The following CEP20 variants were observed in gnomAD, a reference collection of about 807,000 sequenced individuals.
CEP20 encodes FGFR1OP N-terminal like.
CEP20 carries 18 observed loss-of-function variants against 20.0 expected under a neutral mutation model. The observed-to-expected ratio is 0.90, with a 90% confidence interval of 0.62 to 1.34. The LOEUF is 1.34. Among genes scored for constraint, CEP20 ranks in the 40% most tolerant of loss-of-function variants. The pLI is 0.00. For synonymous variants in CEP20, 77 were observed against 73.7 expected (o/e 1.04, Z -0.23); for missense variants, 215 against 201.6 (o/e 1.07, Z -0.40).
chr16:15,873,007 T>G (rs1227871922), intron 4 of CEP20, among the ~76,000 whole-genome samples: 1 of 152,036 alleles, frequency 6.6e-6, no homozygotes, highest in Non-Finnish European at 1.5e-5. Context: ...AGCTATTTAT[T>G]CAGTATACCA....
chr16:15,870,274 T>C (rs2044782234), intron 4 of CEP20, among the ~76,000 whole-genome samples: 2 of 152,206 alleles, frequency 1.3e-5, no homozygotes, highest in Admixed American at 1.3e-4. Context: ...ATGGGACTGA[T>C]AGTATCAATG....
At chr16:15,868,698 C>A (rs909785112) in intron 4 of CEP20, among the ~76,000 whole-genome samples, 22 of 152,122 alleles carry the variant, frequency 1.4e-4, no homozygotes, top group Admixed American at 1.2e-3. Context: ...GCCAATACTA[C>A]TTTAAGGGTC....
intron 4 of CEP20, 23 bp downstream of exon 4, chr16:15,873,468 G>T: frequency 1.3e-6 from 2 of 1,597,146 alleles, no homozygotes; most frequent in Non-Finnish European, 1.7e-6. Flanking sequence ...ACAGCTAAAT[G>T]ATGAATCTTG....
intron 4 of CEP20, among the ~76,000 whole-genome samples, chr16:15,870,972 G>C (rs893921561): frequency 1.3e-5 from 2 of 152,114 alleles, no homozygotes; most frequent in Non-Finnish European, 2.9e-5. Flanking sequence ...TCCCGAAGGG[G>C]CTGGGCATGG....
intron 3 of CEP20, among the ~76,000 whole-genome samples, chr16:15,877,737 G>C (rs1221512297): frequency 6.6e-6 from 1 of 151,984 alleles, no homozygotes; most frequent in Non-Finnish European, 1.5e-5. Flanking sequence ...TGATCAAGCC[G>C]CTGCACTCTA....
chr16:15,882,731 ATATCTATCTATCTATCTATC>A (rs68035220), intron 2 of CEP20, among the ~76,000 whole-genome samples: 118 of 145,662 alleles, frequency 8.1e-4, no homozygotes, highest in African/African-American at 2.7e-3. Flanking sequence ...TATCTCCATT[ATATCTATCTATCTATCTATC>A]TATCTATCTA....
At chr16:15,872,071 T>G (rs1213297478) in intron 4 of CEP20, among the ~76,000 whole-genome samples, 1 of 152,142 alleles carries the variant, frequency 6.6e-6, no homozygotes, top group Non-Finnish European at 1.5e-5. Flanking sequence ...TCCCAGCACT[T>G]TGGGAGGCCA....
intron 2 of CEP20, among the ~76,000 whole-genome samples, chr16:15,881,528 T>C (rs932219544): frequency 7.2e-5 from 11 of 152,170 alleles, no homozygotes; most frequent in Non-Finnish European, 1.3e-4. Context: ...CATTCTCTCT[T>C]GCAAAATCTA....
At chr16:15,875,636 A>G (rs1436532048) in intron 3 of CEP20, among the ~76,000 whole-genome samples, 2 of 152,212 alleles carry the variant, frequency 1.3e-5, no homozygotes, top group Non-Finnish European at 2.9e-5. Flanking sequence ...ATAAGTTTCA[A>G]AAAGATAAAG....
rs896935717 is a variant in CEP20 at position 15,881,786 on chromosome 16, A to G, written c.227-1898T>C. ...ATTAAAAATATTCTCACCACTCAATAACTGTTACACTTGAAGAGCAAATTT... is the reference window on the plus strand; with the variant it reads ...ATTAAAAATATTCTCACCACTCAATGACTGTTACACTTGAAGAGCAAATTT... On this transcript the variant is annotated intron_variant, in intron 2 of 4. Transcript: ENST00000255759. Among the ~76,000 whole-genome samples, 6 of 152,254 alleles carry G rather than the reference A, an allele frequency of 3.9e-5. No individual in the cohort carries two copies. In the East Asian group the frequency reaches 1.2e-3, roughly 29 times the overall value.
chr16:15,876,908 G>A (rs1356643358), intron 3 of CEP20, among the ~76,000 whole-genome samples: 10 of 148,032 alleles, frequency 6.8e-5, no homozygotes. Context: ...GCTGAGTGCA[G>A]TGGCACGATC....
intron 2 of CEP20, among the ~76,000 whole-genome samples, chr16:15,882,766 T>TACACACA (rs1445128148): frequency 0.011 from 1,157 of 105,674 alleles, 22 homozygotes; most frequent in African/African-American, 0.04. Flanking sequence ...TATCTATCTA[T>TACACACA]CTATCTATCT....
intron 4 of CEP20, among the ~76,000 whole-genome samples, chr16:15,869,663 G>A (rs1453281218): frequency 6.6e-6 from 1 of 152,032 alleles, no homozygotes; most frequent in Non-Finnish European, 1.5e-5. Context: ...TGATATTTCT[G>A]TTGAATGAGC....
rs149748141 is a variant in CEP20, at chr16:15,886,378, G to A, written c.29-2173C>T. ...TAAGTACAGTTATCACCAGATCAGAGTTTGTAACAGGTCCATAAAAGGAAG... is the reference window on the plus strand; with the variant it reads ...TAAGTACAGTTATCACCAGATCAGAATTTGTAACAGGTCCATAAAAGGAAG... On this transcript the variant is annotated intron_variant, in intron 1 of 4. Transcript: ENST00000255759. 4.6e-5 allele frequency among the ~76,000 whole-genome samples: 7 copies of A among 152,260 alleles called. No homozygotes were observed. In the East Asian group the frequency reaches 1.4e-3, roughly 29 times the overall value.
intron 1 of CEP20, chr16:15,885,903 T>C (rs2045234056): frequency 6.6e-6 from 1 of 152,206 alleles, no homozygotes; most frequent in Non-Finnish European, 1.5e-5. Flanking sequence ...ACATACTTAG[T>C]ATAGATAATG....
chr16:15,870,159 G>T (rs1428928592), intron 4 of CEP20, among the ~76,000 whole-genome samples: 1 of 152,152 alleles, frequency 6.6e-6, no homozygotes, highest in South Asian at 2.1e-4. Flanking sequence ...TTAGGAAATA[G>T]TGTTCCTTAT....
rs182507802 is a variant in CEP20, at chr16:15,876,059, T to G, written c.312-2432A>C. ...GTTGCAGTGAGCTGAGATCATGTCA[T>G]TGCACTCAAAAAAAAAAAAAAAGAG... On this transcript the variant is annotated intron_variant, in intron 3 of 4. Coordinates refer to ENST00000255759, the MANE Select transcript of CEP20 (RefSeq NM_144600.4). 8.3e-3 allele frequency among the ~76,000 whole-genome samples: 1,220 copies of G among 147,594 alleles called. 6 individuals carry two copies. Among genetic ancestry groups the G allele is most frequent in the Non-Finnish European group, 0.012 (803 of 66,890 alleles).
In CEP20 at chr16:15,867,227, C is replaced by G. The variant is rs7498734; in HGVS notation, c.*213G>C. ...CATCTCAAAAAAACAAAAAATACTT[C>G]GTAAAAACAATACTTTTTTTTTCAA... On this transcript the variant is annotated 3_prime_UTR_variant, in exon 5 of 5. Coordinates refer to ENST00000255759, the MANE Select transcript of CEP20 (RefSeq NM_144600.4). The G allele has an allele frequency of 2.4e-6, 1 of 421,846 alleles. No homozygotes were observed. Among genetic ancestry groups the G allele is most frequent in the East Asian group, 3.7e-5 (1 of 27,200 alleles). The allele number at this position is 421,846 out of a possible 1,614,324, so 26.1% of individuals were successfully genotyped here.
Position 15,869,324 on chromosome 16 carries a change from T to G in CEP20, c.449-1808A>C, listed in dbSNP as rs2044757595. ...TTCTTTCTTTCCTTTTTTTTTTTTT[T>G]TTTTGAGACAGAGTCTCGCTCTGTC... On this transcript the variant is annotated intron_variant, in intron 4 of 4. Transcript: ENST00000255759. Among the ~76,000 whole-genome samples the G allele has an allele frequency of 5.3e-5, 8 of 149,954 alleles. No homozygotes were observed. In the South Asian group the frequency reaches 1.7e-3, roughly 32 times the overall value.
Sources: allele counts gnomAD v4.1 joint callset (sites outside exome capture counted in the v4.1 genomes callset), GRCh38; gene constraint gnomAD v4.1.1; transcripts MANE v1.5; gene names NCBI Gene and HGNC (gene_info 2026-07-23, HGNC 2026-07-21).